The following USH2A variants were observed in gnomAD, a reference collection of about 807,000 sequenced individuals.
USH2A encodes usherin.
A neutral mutation model predicts 538.9 loss-of-function variants in USH2A; 443 were observed. The observed-to-expected ratio is 0.82, with a 90% CI of 0.76 to 0.89. The LOEUF is 0.89. USH2A is among the 40% of genes least tolerant of loss of function. The pLI is 0.00. For missense variants in USH2A, 6,633 were observed against 6,324.8 expected (o/e 1.05, Z -1.65); for synonymous variants, 2,413 against 2,273.5 (o/e 1.06, Z -1.75).
intron 35 of USH2A, among the ~76,000 whole-genome samples, chr1:215,984,927 G>A (rs2102469872): frequency 6.6e-6 from 1 of 152,274 alleles, no homozygotes; most frequent in East Asian, 1.9e-4. Flanking sequence ...AGAGAGAAGA[G>A]CTTTCACATT....
At chr1:215,862,646 A>T (rs1664350971) in intron 44 of USH2A, among the ~76,000 whole-genome samples, 1 of 152,212 alleles carries the variant, frequency 6.6e-6, no homozygotes, top group South Asian at 2.1e-4. Flanking sequence ...CCCCTTTTAT[A>T]TATTATATAA....
intron 26 of USH2A, among the ~76,000 whole-genome samples, chr1:216,078,685 T>C (rs2031837086): frequency 6.6e-6 from 1 of 152,244 alleles, no homozygotes; most frequent in South Asian, 2.1e-4. Flanking sequence ...CATAAGTGAC[T>C]GAATGACTGA....
chr1:215,692,747 T>G (rs1392087384), intron 61 of USH2A, among the ~76,000 whole-genome samples: 1 of 152,146 alleles, frequency 6.6e-6, no homozygotes, highest in African/African-American at 2.4e-5. Flanking sequence ...AAAATCATTT[T>G]TGAAGGTTTT....
Position 216,303,191 on chromosome 1 carries a change from A to G in USH2A, c.1645-10821T>C, listed in dbSNP as rs370656670. ...GAACAGAAGGAGGATTTTAAAGTTTATTCAAGATTGTAGATAGTGGACAAG... is the reference window on the plus strand; with the variant it reads ...GAACAGAAGGAGGATTTTAAAGTTTGTTCAAGATTGTAGATAGTGGACAAG... On this transcript the variant is annotated intron_variant, in intron 9 of 71. Coordinates refer to ENST00000307340, the MANE Select transcript of USH2A (RefSeq NM_206933.4). Among the ~76,000 whole-genome samples the G allele has an allele frequency of 9.2e-5, 14 of 152,116 alleles. 1 individual carries two copies. Among genetic ancestry groups the G allele is most frequent in the Admixed American group, 3.9e-4 (6 of 15,280 alleles).
chr1:215,929,591 A>G (rs1026061188), intron 38 of USH2A, among the ~76,000 whole-genome samples: 2 of 152,060 alleles, frequency 1.3e-5, no homozygotes, highest in East Asian at 1.9e-4. Flanking sequence ...CAGGTCCCCA[A>G]AAAGAGTCTT....
At chr1:216,373,221 A>T (rs2038748084) in intron 3 of USH2A, among the ~76,000 whole-genome samples, 1 of 152,224 alleles carries the variant, frequency 6.6e-6, no homozygotes, top group Non-Finnish European at 1.5e-5. Flanking sequence ...ACAATCTGTA[A>T]TAGAAATGGC....
Position 215,922,198 on chromosome 1 carries a change from T to C in USH2A, c.7300+12418A>G, listed in dbSNP as rs1052074883. ...GGTTTTAGTTACAAGGAGTTTCTTA[T>C]AGCAGATGTTCTGTGAAGAAGTTGA... On this transcript the variant is annotated intron_variant, in intron 38 of 71. Coordinates refer to ENST00000307340, the MANE Select transcript of USH2A (RefSeq NM_206933.4). Among the ~76,000 whole-genome samples the C allele has an allele frequency of 2.0e-5, 3 of 152,160 alleles. No individual in the cohort carries two copies. The East Asian group carries it at 5.8e-4, about 29-fold the overall frequency.
chr1:215,987,644 T>A (rs1667902443), intron 35 of USH2A, among the ~76,000 whole-genome samples: 1 of 152,212 alleles, frequency 6.6e-6, no homozygotes, highest in African/African-American at 2.4e-5. Context: ...ACTTAAAGAC[T>A]GTACTTGGCA....
At chr1:215,742,200 A>G (rs907715181) in intron 59 of USH2A, among the ~76,000 whole-genome samples, 1 of 152,230 alleles carries the variant, frequency 6.6e-6, no homozygotes, top group Non-Finnish European at 1.5e-5. Context: ...TGAGTTCAGC[A>G]GAGCAAAATT....
intron 38 of USH2A, among the ~76,000 whole-genome samples, chr1:215,910,568 A>G (rs1665755667): frequency 6.6e-6 from 1 of 151,952 alleles, no homozygotes; most frequent in African/African-American, 2.4e-5. Context: ...ACACATCATA[A>G]GTACTATATA....
intron 21 of USH2A, among the ~76,000 whole-genome samples, chr1:216,113,142 A>T (rs1319977847): frequency 1.0e-3 from 65 of 63,498 alleles, no homozygotes; most frequent in Admixed American, 9.7e-3. Context: ...AATGATAAAA[A>T]AAAAAAAAAA....
chr1:216,218,577 C>T (rs2035390287), intron 14 of USH2A, among the ~76,000 whole-genome samples: 1 of 152,106 alleles, frequency 6.6e-6, no homozygotes, highest in Admixed American at 6.6e-5. Context: ...AATCATTCAA[C>T]ACCCTTAAAA....
intron 4 of USH2A, among the ~76,000 whole-genome samples, chr1:216,334,169 T>A (rs2037925102): frequency 6.6e-6 from 1 of 152,064 alleles, no homozygotes; most frequent in South Asian, 2.1e-4. Context: ...GGGCATCCAA[T>A]GTAAAAAATC....
chr1:216,339,381 GT>G (rs1284472464), intron 4 of USH2A, among the ~76,000 whole-genome samples: 1 of 151,532 alleles, frequency 6.6e-6, no homozygotes, highest in Non-Finnish European at 1.5e-5. Context: ...AATAGCCAAT[GT>G]TTGACCATTT....
chr1:215,911,699 ATTTCCT>A (rs926378697), intron 38 of USH2A, among the ~76,000 whole-genome samples: 1 of 152,024 alleles, frequency 6.6e-6, no homozygotes, highest in Non-Finnish European at 1.5e-5. Flanking sequence ...CAACATACTG[ATTTCCT>A]TTCTTTTGGG....
intron 55 of USH2A, among the ~76,000 whole-genome samples, chr1:215,779,022 G>C (rs1009328672): frequency 3.9e-5 from 6 of 152,160 alleles, no homozygotes; most frequent in Non-Finnish European, 8.8e-5. Context: ...ATAAGTGCTA[G>C]AGGTACAACA....
chr1:216,343,268 TAA>T (rs2038110635), intron 4 of USH2A, among the ~76,000 whole-genome samples: 1 of 149,750 alleles, frequency 6.7e-6, no homozygotes, highest in Admixed American at 6.7e-5. Context: ...CAACAAAGCT[TAA>T]AAGACTAGCT....
intron 4 of USH2A, among the ~76,000 whole-genome samples, chr1:216,334,587 A>T (rs937118888): frequency 6.6e-6 from 1 of 151,880 alleles, no homozygotes; most frequent in Non-Finnish European, 1.5e-5. Context: ...CAAGAGACAA[A>T]CTCTACATTC....
intron 21 of USH2A, among the ~76,000 whole-genome samples, chr1:216,140,995 C>T (rs80274141): frequency 0.051 from 7,708 of 152,274 alleles, 282 homozygotes; most frequent in Middle Eastern, 0.11. Context: ...TAGAATTGCT[C>T]CCTTGGGAGA....
Sources: gnomAD v4.1 joint callset for allele counts (sites outside exome capture counted in the v4.1 genomes callset) on GRCh38, gnomAD v4.1.1 for gene constraint, MANE v1.5 for transcripts, NCBI Gene and HGNC (gene_info 2026-07-23, HGNC 2026-07-21) for gene names.